Variants in ROBO2 observed in about 807,000 individuals in gnomAD.
ROBO2 encodes roundabout guidance receptor 2.
In ROBO2, 53 loss-of-function variants were observed where a neutral mutation model predicts 160.8. The observed-to-expected ratio is 0.33, with a 90% CI of 0.26 to 0.41. The LOEUF (loss-of-function observed/expected upper bound fraction) is 0.41, where lower values mean the gene tolerates loss of function less well. ROBO2 is among the 10% of genes least tolerant of loss of function. The pLI, the probability that ROBO2 is intolerant of heterozygous loss-of-function variation, is 1.00. For missense variants in ROBO2, 1,577 were observed against 1,722.4 expected, an observed-to-expected ratio of 0.92 and a Z score of 1.49; for synonymous variants, 664 against 611.7, an observed-to-expected ratio of 1.09 and a Z score of -1.26.
At chr3:76,422,215 G>A (rs138770931) in intron 2 of ROBO2, among the ~76,000 whole-genome samples, 12 of 152,226 alleles carry the variant, frequency 7.9e-5, no homozygotes, top group Non-Finnish European at 1.5e-4. Flanking sequence ...CTTTTTATAA[G>A]CTTACTTTTC....
chr3:77,370,852 C>A (rs758013665), intron 2 of ROBO2, among the ~76,000 whole-genome samples: 1 of 152,048 alleles, frequency 6.6e-6, no homozygotes, highest in South Asian at 2.1e-4. Flanking sequence ...AACAAGAGAC[C>A]GCATTACCCA....
At chr3:76,580,342 G>GTT (rs71101901) in intron 2 of ROBO2, among the ~76,000 whole-genome samples, 11 of 90,560 alleles carry the variant, frequency 1.2e-4, no homozygotes, top group African/African-American at 3.1e-4. Flanking sequence ...TTTTTTTTGT[G>GTT]TTTTTTTTTT....
chr3:76,930,456 TTC>T (rs2077265914), intron 2 of ROBO2, among the ~76,000 whole-genome samples: 1 of 152,238 alleles, frequency 6.6e-6, no homozygotes, highest in Admixed American at 6.5e-5. Flanking sequence ...CCTATTCATT[TTC>T]CCTACTTATT....
chr3:76,059,998 CA>C (rs1397354646), intron 2 of ROBO2, among the ~76,000 whole-genome samples: 1 of 152,040 alleles, frequency 6.6e-6, no homozygotes, highest in Non-Finnish European at 1.5e-5. Context: ...TGTTCTGTTC[CA>C]TTGGTCTATA....
chr3:77,165,834 A>T (rs1049120651), intron 2 of ROBO2, among the ~76,000 whole-genome samples: 1 of 152,022 alleles, frequency 6.6e-6, no homozygotes, highest in Non-Finnish European at 1.5e-5. Context: ...CTATCTTCTG[A>T]CTCCATAGAG....
intron 2 of ROBO2, among the ~76,000 whole-genome samples, chr3:76,934,926 T>TA (rs1355221474): frequency 6.6e-6 from 1 of 151,982 alleles, no homozygotes; most frequent in African/African-American, 2.4e-5. Flanking sequence ...AAACTGTTTT[T>TA]ACTTTATTTT....
rs540497733 is a variant in ROBO2 at position 77,396,024 on chromosome 3, T to G, written c.389-81390T>G. Among the ~76,000 whole-genome samples the G allele has an allele frequency of 2.5e-3, 380 of 151,872 alleles. 1 individual carries two copies. The highest frequency in any genetic ancestry group is 4.2e-3 in the Non-Finnish European group (287 of 67,888). The stretch of plus-strand genomic sequence containing the variant: ...TTTGATATCCAAATAACCAATAAAA[T>G]TATATATTTTCAAATGAGTTTTTAA... On this transcript the variant is annotated intron_variant, in intron 2 of 25. Coordinates refer to ENST00000461745, the Ensembl canonical transcript of ROBO2.
chr3:77,509,218 A>C lies in ROBO2; in HGVS notation c.807-13557A>C, dbSNP rs2089031357. ...ATGAAGGTTGCAAGGGAGAAATTAC[A>C]GCCTGTCTTCAGGTGGGAAGGTAGG... On this transcript the variant is annotated intron_variant, in intron 5 of 25. Coordinates refer to ENST00000461745, the Ensembl canonical transcript of ROBO2. Among the ~76,000 whole-genome samples the C allele has an allele frequency of 2.0e-5, 3 of 152,070 alleles. No individual in the cohort carries two copies. The South Asian group carries it at 6.2e-4, about 32-fold the overall frequency.
At chr3:77,593,954 T>C (rs1406751871) in intron 17 of ROBO2, among the ~76,000 whole-genome samples, 6 of 152,142 alleles carry the variant, frequency 3.9e-5, no homozygotes, top group Non-Finnish European at 7.4e-5. Flanking sequence ...GTTTATTGGG[T>C]TCACAGCTGT....
intron 2 of ROBO2, among the ~76,000 whole-genome samples, chr3:76,652,351 T>C (rs971043543): frequency 6.6e-6 from 1 of 152,186 alleles, no homozygotes; most frequent in Non-Finnish European, 1.5e-5. Context: ...GATGGTTAGT[T>C]GGTATTAACA....
At chr3:77,117,042 A>T (rs2074277900) in intron 2 of ROBO2, among the ~76,000 whole-genome samples, 1 of 152,210 alleles carries the variant, frequency 6.6e-6, no homozygotes, top group Non-Finnish European at 1.5e-5. Context: ...TGCAGAAATC[A>T]GACGAGTTCT....
At chr3:76,877,515 G>GC (rs1275198404) in intron 2 of ROBO2, among the ~76,000 whole-genome samples, 18 of 152,148 alleles carry the variant, frequency 1.2e-4, no homozygotes, top group African/African-American at 3.4e-4. Context: ...TTGATACACA[G>GC]CTCTTCAGGG....
In ROBO2 at chr3:77,388,612, G is replaced by A. The variant is rs542496675; in HGVS notation, c.389-88802G>A. Among the ~76,000 whole-genome samples, 4 of 151,976 alleles carry A rather than the reference G, an allele frequency of 2.6e-5. No individual in the cohort carries two copies. The East Asian group carries it at 7.7e-4, about 29-fold the overall frequency. ...TTCTAATGTTTTTAATTTTTATTCT[G>A]TGTTGTATATATTTAAGGTGATACA... is the stretch of plus-strand genomic sequence containing the variant. On this transcript the variant is annotated intron_variant, in intron 2 of 25. Transcript: ENST00000461745.
At chr3:76,483,932 A>G (rs6786597) in intron 2 of ROBO2, among the ~76,000 whole-genome samples, 68,231 of 152,016 alleles carry the variant, frequency 0.45, 15,548 homozygotes, top group East Asian at 0.63. Context: ...TCAATGGTGT[A>G]TATGTACAAC....
At chr3:76,766,608 C>T (rs1344658996) in intron 2 of ROBO2, among the ~76,000 whole-genome samples, 2 of 151,680 alleles carry the variant, frequency 1.3e-5, no homozygotes, top group Non-Finnish European at 3.0e-5. Context: ...GCTTAACACA[C>T]ATTTTCCTAC....
chr3:77,253,131 G>T (rs1188941024), intron 2 of ROBO2, among the ~76,000 whole-genome samples: 4 of 151,918 alleles, frequency 2.6e-5, no homozygotes, highest in African/African-American at 9.7e-5. Context: ...ACTTCAGATG[G>T]CTGTCAGATG....
At chr3:76,809,277 A>T (rs970451850) in intron 2 of ROBO2, among the ~76,000 whole-genome samples, 3 of 152,086 alleles carry the variant, frequency 2.0e-5, no homozygotes, top group Admixed American at 6.6e-5. Context: ...GGCAGAATTC[A>T]TATCATTATG....
At chr3:76,140,028 A>G (rs1053515040) in intron 2 of ROBO2, among the ~76,000 whole-genome samples, 2 of 152,108 alleles carry the variant, frequency 1.3e-5, no homozygotes, top group African/African-American at 4.8e-5. Context: ...TGGTATAAAT[A>G]GCCAACTGAC....
At position 76,659,511 on chromosome 3, in the gene ROBO2, G is replaced by A. The variant is rs1050048055; in HGVS notation, c.110-438503G>A. Among the ~76,000 whole-genome samples, 5 of 151,630 alleles carry A rather than the reference G, an allele frequency of 3.3e-5. No homozygotes were observed. In the South Asian group the frequency reaches 6.2e-4, roughly 19 times the overall value. On this transcript the variant is annotated intron_variant, in intron 2 of 26. Coordinates refer to the ROBO2 transcript ENST00000487694. ...TGTATTCTGTTGGCCTGTGAGAATCGGCTCACCCTGTACTATAATTTCTCT... is the reference window on the plus strand; with the variant it reads ...TGTATTCTGTTGGCCTGTGAGAATCAGCTCACCCTGTACTATAATTTCTCT...
Sources: allele counts gnomAD v4.1 joint callset (sites outside exome capture counted in the v4.1 genomes callset), GRCh38; gene constraint gnomAD v4.1.1; transcripts MANE v1.5; gene names NCBI Gene and HGNC (gene_info 2026-07-23, HGNC 2026-07-21).